Variants in BCL2L11 observed in about 807,000 individuals in gnomAD.
BCL2L11 encodes the protein bcl-2-like protein 11.
BCL2L11 carries 15 observed loss-of-function variants against 20.6 expected under a neutral mutation model. The observed-to-expected ratio is 0.73, with a 90% confidence interval of 0.49 to 1.12. The LOEUF (loss-of-function observed/expected upper bound fraction) is 1.12. BCL2L11 is among the 50% of genes most tolerant of loss of function. BCL2L11 has a pLI of 0.00. For synonymous variants in BCL2L11, 108 were observed against 92.8 expected, an observed-to-expected ratio of 1.16 and a Z score of -0.94; for missense variants, 292 against 260.9, an observed-to-expected ratio of 1.12 and a Z score of -0.82.
intron 3 of BCL2L11, chr2:111,161,456 C>T (rs1181398248): frequency 1.7e-5 from 26 of 1,550,508 alleles, no homozygotes; most frequent in Middle Eastern, 3.3e-4. Context: ...CTGTAGCAGA[C>T]GCAGACTTAT....
rs549734379 is a variant in BCL2L11, at chr2:111,126,644, A to T, written c.394+2505A>T. ...TCTGGACATTCTACAGTCTTAGTTCATGCCTGAAGACCACTGAAATAATGC... is the reference window on the plus strand; with the variant it reads ...TCTGGACATTCTACAGTCTTAGTTCTTGCCTGAAGACCACTGAAATAATGC... On this transcript the variant is annotated intron_variant, in intron 2 of 3. Coordinates refer to ENST00000393256, the MANE Select transcript of BCL2L11 (RefSeq NM_138621.5). 2.0e-5 allele frequency among the ~76,000 whole-genome samples: 3 copies of T among 152,290 alleles called. No individual in the cohort carries two copies. The South Asian group carries it at 6.2e-4, about 32-fold the overall frequency.
At chr2:111,153,974 C>T (rs565349169) in intron 3 of BCL2L11, 60 of 1,409,792 alleles carry the variant, frequency 4.3e-5, no homozygotes, top group South Asian at 1.1e-4. Flanking sequence ...GTGAACCTGC[C>T]GGGCTGAACG....
At chr2:111,135,756 T>C (rs911107837) in intron 2 of BCL2L11, among the ~76,000 whole-genome samples, 1 of 152,082 alleles carries the variant, frequency 6.6e-6, no homozygotes, top group Non-Finnish European at 1.5e-5. Flanking sequence ...GTTCAGTGGG[T>C]GTGTGTAATG....
At chr2:111,145,354 GGA>G (rs1368124449) in intron 2 of BCL2L11, among the ~76,000 whole-genome samples, 1 of 152,136 alleles carries the variant, frequency 6.6e-6, no homozygotes, top group African/African-American at 2.4e-5. Flanking sequence ...ACTGGGTTTT[GGA>G]GAGAGAATGT....
chr2:111,149,977 T>C lies in BCL2L11; in HGVS notation c.395-67T>C, dbSNP rs149036081. The C allele has an allele frequency of 1.5e-4, 214 of 1,426,476 alleles. No homozygotes were observed. The African/African-American group carries it at 2.5e-3, about 17-fold the overall frequency. The allele number at this position is 1,426,476 out of a possible 1,614,324, so 88.4% of individuals were successfully genotyped here. On this transcript the variant is annotated intron_variant, in intron 2 of 3. Coordinates refer to ENST00000393256, the MANE Select transcript of BCL2L11 (RefSeq NM_138621.5). ...AGATGGGCTTGCCTCTAGAGACTTA[T>C]CTTTGGAACTTTCCCAGTGATCTGT...
chr2:111,149,964 C>T (rs1477640500), intron 2 of BCL2L11, 80 bp from the exon 3 acceptor site: 3 of 1,257,434 alleles, frequency 2.4e-6, no homozygotes, highest in African/African-American at 1.5e-5. Flanking sequence ...ATGGGCTTGC[C>T]TCTAGAGACT....
At chr2:111,128,310 G>T (rs2073119581) in intron 2 of BCL2L11, among the ~76,000 whole-genome samples, 1 of 152,092 alleles carries the variant, frequency 6.6e-6, no homozygotes, top group South Asian at 2.1e-4. Flanking sequence ...TCCAGTGTGT[G>T]TATATCACAT....
chr2:111,159,177 G>A (rs962896927), intron 3 of BCL2L11, among the ~76,000 whole-genome samples: 2 of 152,236 alleles, frequency 1.3e-5, no homozygotes, highest in African/African-American at 2.4e-5. Context: ...GTGCGAGGAG[G>A]GAAGGTGCTG....
intron 3 of BCL2L11, among the ~76,000 whole-genome samples, chr2:111,161,030 G>A (rs969307611): frequency 6.6e-6 from 1 of 152,186 alleles, no homozygotes; most frequent in Non-Finnish European, 1.5e-5. Flanking sequence ...ACCTGTAGAT[G>A]CTGTCATCCC....
intron 2 of BCL2L11, among the ~76,000 whole-genome samples, chr2:111,137,424 C>T (rs1276453338): frequency 6.6e-6 from 1 of 152,180 alleles, no homozygotes; most frequent in African/African-American, 2.4e-5. Context: ...CATTTCTAGC[C>T]TAATCCACTT....
intron 3 of BCL2L11, among the ~76,000 whole-genome samples, chr2:111,162,030 T>A (rs2078622100): frequency 6.6e-6 from 1 of 152,214 alleles, no homozygotes; most frequent in African/African-American, 2.4e-5. Context: ...GCCCCGACTA[T>A]AAGCCACAGT....
chr2:111,124,367 C>T (rs1049602585), intron 2 of BCL2L11, among the ~76,000 whole-genome samples: 1 of 151,798 alleles, frequency 6.6e-6, no homozygotes, highest in African/African-American at 2.4e-5. Flanking sequence ...CTCAGCTCAC[C>T]GCAAGCTCCA....
At chr2:111,138,075 C>G (rs1037542914) in intron 2 of BCL2L11, among the ~76,000 whole-genome samples, 8 of 144,784 alleles carry the variant, frequency 5.5e-5, no homozygotes, top group African/African-American at 2.1e-4. Context: ...GTGCCATGAT[C>G]TCAGCTCACT....
rs2079051902 is a variant in BCL2L11 at position 111,166,972 on chromosome 2, T to A, written c.*2741T>A. The A allele has an allele frequency of 6.6e-6, 1 of 152,622 alleles. No homozygotes were observed. Among genetic ancestry groups the A allele is most frequent in the South Asian group, 2.1e-4 (1 of 4,834 alleles). 9.5% of individuals were successfully genotyped at this position (152,622 alleles called of 1,614,324 possible). On this transcript the variant is annotated 3_prime_UTR_variant, in exon 4 of 4. Coordinates refer to ENST00000393256, the MANE Select transcript of BCL2L11 (RefSeq NM_138621.5). ...CTTGTAAAATTTTGTACAGCATAAATAAGTAAAAAAATCACTGTTTTTCTC... is the reference window on the plus strand; with the variant it reads ...CTTGTAAAATTTTGTACAGCATAAAAAAGTAAAAAAATCACTGTTTTTCTC...
At chr2:111,157,866 C>T (rs1314462555) in intron 3 of BCL2L11, among the ~76,000 whole-genome samples, 6 of 152,184 alleles carry the variant, frequency 3.9e-5, no homozygotes, top group Non-Finnish European at 5.9e-5. Flanking sequence ...AGCTTTGCAA[C>T]GCTAGGGGAG....
chr2:111,142,134 T>C (rs978227267), intron 2 of BCL2L11, among the ~76,000 whole-genome samples: 2 of 152,230 alleles, frequency 1.3e-5, no homozygotes, highest in African/African-American at 4.8e-5. Context: ...CCTAAACACA[T>C]GGAAGACCTT....
In BCL2L11 at chr2:111,128,596, A is replaced by T. The variant is rs566567279; in HGVS notation, c.394+4457A>T. 23 of 1,492,044 alleles carry T rather than the reference A, an allele frequency of 1.5e-5. No individual in the cohort carries two copies. The East Asian group carries it at 5.7e-4, about 37-fold the overall frequency. The allele number at this position is 1,492,044 out of a possible 1,614,324, so 92.4% of individuals were successfully genotyped here. ...AGGGTTCCAGTTTCTCCACATACTTACCAACACTTTTTTTTTTTTTTTTTT... is the reference window on the plus strand; with the variant it reads ...AGGGTTCCAGTTTCTCCACATACTTTCCAACACTTTTTTTTTTTTTTTTTT... On this transcript the variant is annotated intron_variant, in intron 2 of 3. Transcript: ENST00000393256.
At chr2:111,150,197 C>G (rs760172983) in intron 3 of BCL2L11, 50 bp downstream of exon 3, 85 of 1,587,520 alleles carry the variant, frequency 5.4e-5, no homozygotes, top group Non-Finnish European at 6.9e-5. Context: ...TCCCCTTCCA[C>G]ACTATATTTT....
At chr2:111,143,181 G>A (rs2076079457) in intron 2 of BCL2L11, among the ~76,000 whole-genome samples, 1 of 152,208 alleles carries the variant, frequency 6.6e-6, no homozygotes, top group Non-Finnish European at 1.5e-5. Context: ...AAATGGAGCT[G>A]TGGCTGTCGC....
Sources: gnomAD v4.1 joint callset for allele counts (sites outside exome capture counted in the v4.1 genomes callset) on GRCh38, gnomAD v4.1.1 for gene constraint, MANE v1.5 for transcripts, NCBI Gene and HGNC (gene_info 2026-07-23, HGNC 2026-07-21) for gene names.